The following HMGCLL1 variants were observed in gnomAD, a reference collection of about 807,000 sequenced individuals.
HMGCLL1 encodes the protein 3-hydroxy-3-methylglutaryl-CoA lyase like 1.
HMGCLL1 carries 36 observed loss-of-function variants against 39.1 expected under a neutral mutation model. The ratio of observed to expected loss-of-function variants is 0.92; its 90% CI spans 0.71 to 1.22. HMGCLL1 has a LOEUF of 1.22. HMGCLL1 is among the 50% of genes most tolerant of loss of function. The pLI is 0.00. For missense variants in HMGCLL1, 451 were observed against 416.5 expected (o/e 1.08, Z -0.72); for synonymous variants, 149 against 144.0 (o/e 1.03, Z -0.25).
At chr6:55,629,409 A>G in the HMGCLL1 span, among the ~76,000 whole-genome samples, 1 of 152,192 alleles carries the variant, frequency 6.6e-6, no homozygotes, top group Non-Finnish European at 1.5e-5. Flanking sequence ...GGGTGCTGTT[A>G]AAGGCATTCA....
At chr6:55,677,120 G>A in the HMGCLL1 span, among the ~76,000 whole-genome samples, 1 of 152,178 alleles carries the variant, frequency 6.6e-6, no homozygotes, top group Non-Finnish European at 1.5e-5. Flanking sequence ...CTTCCGGCTG[G>A]GCACAGTGGC....
chr6:55,678,463 T>A, the HMGCLL1 span, among the ~76,000 whole-genome samples: 1 of 152,090 alleles, frequency 6.6e-6, no homozygotes, highest in Non-Finnish European at 1.5e-5. Context: ...AACCTATGTG[T>A]AATGACTGGA....
chr6:55,588,449 G>A, the HMGCLL1 span, among the ~76,000 whole-genome samples: 1 of 151,938 alleles, frequency 6.6e-6, no homozygotes, highest in African/African-American at 2.4e-5. Flanking sequence ...ACAAGAGAAA[G>A]CAGGAAAGAT....
the HMGCLL1 span, among the ~76,000 whole-genome samples, chr6:55,667,459 G>C: frequency 6.6e-6 from 1 of 151,702 alleles, no homozygotes; most frequent in East Asian, 1.9e-4. Flanking sequence ...TAAGAATCCT[G>C]GATGCAGAGA....
chr6:55,528,361 C>A, intron 3 of HMGCLL1, among the ~76,000 whole-genome samples: 1 of 152,036 alleles, frequency 6.6e-6, no homozygotes, highest in East Asian at 1.9e-4. Context: ...GCAGTAACTC[C>A]TCTTAAAGGC....
intron 7 of HMGCLL1, among the ~76,000 whole-genome samples, chr6:55,454,168 G>T (rs558263723): frequency 6.6e-6 from 1 of 152,088 alleles, no homozygotes; most frequent in Non-Finnish European, 1.5e-5. Context: ...CAAATAATTG[G>T]ACTCCATTGG....
At chr6:55,560,369 C>T (rs141068116) in intron 1 of HMGCLL1, among the ~76,000 whole-genome samples, 3,533 of 152,252 alleles carry the variant, frequency 0.023, 60 homozygotes, top group South Asian at 0.095. Context: ...CTGTCCTTTA[C>T]TATTCCAGAA....
intron 7 of HMGCLL1, among the ~76,000 whole-genome samples, chr6:55,466,737 C>T (rs1391973774): frequency 6.6e-6 from 1 of 152,076 alleles, no homozygotes; most frequent in Non-Finnish European, 1.5e-5. Context: ...TCTTGATTCA[C>T]TGAAAGAGTC....
In HMGCLL1 at chr6:55,579,124, T is replaced by C; in HGVS notation, c.-69A>G. 2 of 1,219,080 alleles carry C rather than the reference T, an allele frequency of 1.6e-6. No homozygotes were observed. The highest frequency in any genetic ancestry group is 2.4e-6 in the Non-Finnish European group (2 of 845,310). The allele number at this position is 1,219,080 out of a possible 1,614,324, so 75.5% of individuals were successfully genotyped here. On this transcript the variant is annotated 5_prime_UTR_variant, in exon 1 of 9. Coordinates refer to ENST00000274901, the MANE Select transcript of HMGCLL1 (RefSeq NM_001042406.2). ...GGAGGATGAGGGGCGGGCACCGCGC[T>C]GGGAAACTGCGCCAGCTCGGGAGCG...
chr6:55,470,544 T>G (rs1765001252), intron 7 of HMGCLL1, among the ~76,000 whole-genome samples: 1 of 151,866 alleles, frequency 6.6e-6, no homozygotes, highest in South Asian at 2.1e-4. Context: ...TTTCTTTAAC[T>G]TTTAGATTTC....
At chr6:55,570,789 T>A (rs1771439976) in intron 1 of HMGCLL1, among the ~76,000 whole-genome samples, 1 of 152,166 alleles carries the variant, frequency 6.6e-6, no homozygotes, top group African/African-American at 2.4e-5. Context: ...ACTATATTAG[T>A]CCATGTTCAC....
chr6:55,467,078 C>T (rs1004107900), intron 7 of HMGCLL1, among the ~76,000 whole-genome samples: 48 of 152,154 alleles, frequency 3.2e-4, no homozygotes, highest in Admixed American at 4.6e-4. Context: ...TTCTAACCTC[C>T]GTGGCCTTAC....
chr6:55,563,991 A>G (rs1771093844), intron 1 of HMGCLL1: 1 of 622,014 alleles, frequency 1.6e-6, no homozygotes, highest in South Asian at 1.5e-5. Context: ...CAGCACGTGC[A>G]GTTTTTTGAA....
chr6:55,483,009 T>C (rs1765824233), intron 7 of HMGCLL1, among the ~76,000 whole-genome samples: 1 of 152,084 alleles, frequency 6.6e-6, no homozygotes, highest in Non-Finnish European at 1.5e-5. Flanking sequence ...TGTATTACAA[T>C]GATCCCAATC....
the HMGCLL1 span, among the ~76,000 whole-genome samples, chr6:55,593,489 T>C: frequency 6.6e-6 from 1 of 152,212 alleles, no homozygotes; most frequent in South Asian, 2.1e-4. Context: ...ATCACTTATG[T>C]AAATCATGCC....
At chr6:55,524,464 A>T (rs1227919942) in intron 3 of HMGCLL1, among the ~76,000 whole-genome samples, 1 of 16,064 alleles carries the variant, frequency 6.2e-5, no homozygotes, top group Non-Finnish European at 1.5e-4. Flanking sequence ...TATAGTCTTT[A>T]AAAAAAAAAA....
chr6:55,617,450 CTT>C, the HMGCLL1 span, among the ~76,000 whole-genome samples: 20 of 152,078 alleles, frequency 1.3e-4, no homozygotes, highest in Non-Finnish European at 2.6e-4. Flanking sequence ...CTATAGACCA[CTT>C]TGTCACTTGT....
the HMGCLL1 span, among the ~76,000 whole-genome samples, chr6:55,614,102 A>G: frequency 6.6e-6 from 1 of 152,124 alleles, no homozygotes; most frequent in Non-Finnish European, 1.5e-5. Flanking sequence ...TTGATTAGAT[A>G]TATGTAAATT....
chr6:55,553,155 C>A (rs575295658), intron 1 of HMGCLL1, among the ~76,000 whole-genome samples: 3,022 of 90,306 alleles, frequency 0.033, 74 homozygotes, highest in East Asian at 0.08. Context: ...CTCTCTCTCT[C>A]TCTCTATATA....
Sources: gnomAD v4.1 joint callset for allele counts (sites outside exome capture counted in the v4.1 genomes callset) on GRCh38, gnomAD v4.1.1 for gene constraint, MANE v1.5 for transcripts, NCBI Gene and HGNC (gene_info 2026-07-23, HGNC 2026-07-21) for gene names.